TNNI3K: variants seen among roughly 807,000 people sequenced by gnomAD.
The protein encoded by TNNI3K is TNNI3 interacting kinase.
In TNNI3K, 140 loss-of-function variants were observed where a neutral mutation model predicts 114.5. The ratio of observed to expected loss-of-function variants is 1.22; its 90% CI spans 1.07 to 1.41. The LOEUF (loss-of-function observed/expected upper bound fraction) is 1.41. TNNI3K is among the 40% of genes most tolerant of loss of function. The pLI is 0.00. For missense variants in TNNI3K, 1,125 were observed against 1,007.6 expected (o/e 1.12, Z -1.58); for synonymous variants, 347 against 347.5 (o/e 1.00, Z 0.02).
chr1:74,420,914 C>G (rs1179860631), intron 17 of TNNI3K, among the ~76,000 whole-genome samples: 2 of 151,994 alleles, frequency 1.3e-5, no homozygotes, highest in African/African-American at 2.4e-5. Context: ...TTATCTTAAC[C>G]CATTTATGCT....
At position 74,544,282 on chromosome 1, in the gene TNNI3K, A is replaced by G; in HGVS notation, c.*300A>G. The G allele has an allele frequency of 3.6e-6, 1 of 276,350 alleles. No individual in the cohort carries two copies. Among genetic ancestry groups the G allele is most frequent in the Non-Finnish European group, 6.6e-6 (1 of 150,496 alleles). The allele number at this position is 276,350 out of a possible 1,614,324, so 17.1% of individuals were successfully genotyped here. A position where few individuals can be genotyped will look rare whatever the true frequency, so the allele number is the denominator to read the frequency against. ...AGCCTAAGTCTGTGGTGGACAGATA[A>G]TAATTATGTTTTCCTGGGCTGAATT... On this transcript the variant is annotated 3_prime_UTR_variant, in exon 25 of 25. Transcript: ENST00000326637.
At chr1:74,480,608 G>T in intron 21 of TNNI3K, 1 of 717,242 alleles carries the variant, frequency 1.4e-6, no homozygotes, top group Non-Finnish European at 2.6e-6. Flanking sequence ...GCCTCCGAAA[G>T]AACTGTCTGT....
intron 2 of TNNI3K, among the ~76,000 whole-genome samples, chr1:74,247,992 C>A (rs765082745): frequency 6.9e-6 from 1 of 144,908 alleles, no homozygotes; most frequent in Non-Finnish European, 1.5e-5. Context: ...TGGGAGCCCA[C>A]GGGGGTAGGG....
chr1:74,256,281 G>A (rs930465242), intron 4 of TNNI3K, among the ~76,000 whole-genome samples: 5 of 69,314 alleles, frequency 7.2e-5, no homozygotes, highest in African/African-American at 1.1e-4. Context: ...GGTGTGGTCA[G>A]TCTTTTTTTT....
intron 5 of TNNI3K, among the ~76,000 whole-genome samples, chr1:74,277,344 G>T (rs1424821523): frequency 6.6e-6 from 1 of 151,960 alleles, no homozygotes; most frequent in East Asian, 1.9e-4. Flanking sequence ...ACATAAAAGA[G>T]CGATTACTCC....
At chr1:74,319,555 C>G (rs1659496852) in intron 5 of TNNI3K, among the ~76,000 whole-genome samples, 1 of 152,112 alleles carries the variant, frequency 6.6e-6, no homozygotes, top group African/African-American at 2.4e-5. Flanking sequence ...GATATGGACT[C>G]CATTACCCCA....
chr1:74,492,104 C>G lies in TNNI3K; in HGVS notation c.2189C>G (p.Ser730Cys). ...EECLCNIELMSPASSNSSGSL... is the reference protein window; with the variant it reads ...EECLCNIELMCPASSNSSGSL... ...TGCCCCTCCTCCACTCAGCTGATGT[C>G]TCCTGCATCAAGTAACAGCAGTGGG... Residue 730 changes from serine (S) to cysteine (C), a missense_variant, in exon 23 of 25, where the codon TCT becomes TGT. Ser to Cys is a moderately radical substitution (Grantham distance 112, BLOSUM62 -1). Transcript: ENST00000326637. 1 of 1,603,544 alleles carries G rather than the reference C, an allele frequency of 6.2e-7. No homozygotes were observed. Among genetic ancestry groups the G allele is most frequent in the Non-Finnish European group, 8.5e-7 (1 of 1,172,676 alleles).
intron 17 of TNNI3K, 98 bp downstream of exon 17, chr1:74,370,490 G>A: frequency 1.9e-6 from 2 of 1,053,844 alleles, no homozygotes; most frequent in Non-Finnish European, 2.7e-6. Context: ...TTGCAGATCA[G>A]GGTACTCTGT....
chr1:74,299,152 C>A (rs1404413156), intron 5 of TNNI3K, among the ~76,000 whole-genome samples: 1 of 152,118 alleles, frequency 6.6e-6, no homozygotes, highest in African/African-American at 2.4e-5. Context: ...TCATTGATTT[C>A]ATGAAATATG....
intron 4 of TNNI3K, among the ~76,000 whole-genome samples, chr1:74,270,326 A>C (rs1157982955): frequency 1.3e-5 from 2 of 151,772 alleles, no homozygotes; most frequent in Non-Finnish European, 2.9e-5. Context: ...AGGCTGGAAA[A>C]TGAAGGGAAT....
At chr1:74,405,038 A>C (rs141618598) in intron 17 of TNNI3K, among the ~76,000 whole-genome samples, 1 of 152,148 alleles carries the variant, frequency 6.6e-6, no homozygotes, top group Non-Finnish European at 1.5e-5. Flanking sequence ...TGAACTGACA[A>C]TGTCAACAAA....
Position 74,543,062 on chromosome 1 carries a change from CCCTTTTT to C in TNNI3K, c.2432-843_2432-837del, listed in dbSNP as rs1376714345. On this transcript the variant is annotated intron_variant, in intron 24 of 24. Coordinates refer to ENST00000326637, the MANE Select transcript of TNNI3K (RefSeq NM_015978.3). ...TCCTTTTCCTTTTCTTTTTCTTTTT[CCCTTTTT>C]TTTTTTTTTTTTTTTTTTTTTTTTG... Among the ~76,000 whole-genome samples the C allele has an allele frequency of 1.9e-3, 199 of 104,588 alleles. 21 individuals carry two copies. Among genetic ancestry groups the C allele is most frequent in the African/African-American group, 5.9e-3 (166 of 28,308 alleles). The allele number at this position is 104,588 out of a possible 152,430, so 68.6% of individuals were successfully genotyped here.
At chr1:74,511,907 AGT>A (rs1670246877) in intron 23 of TNNI3K, among the ~76,000 whole-genome samples, 1 of 152,208 alleles carries the variant, frequency 6.6e-6, no homozygotes, top group Non-Finnish European at 1.5e-5. Flanking sequence ...CAAAGGGTTG[AGT>A]GTGGGTAGAG....
intron 23 of TNNI3K, among the ~76,000 whole-genome samples, chr1:74,504,165 C>G (rs754878003): frequency 2.0e-5 from 3 of 152,220 alleles, no homozygotes; most frequent in African/African-American, 4.8e-5. Context: ...TGCTAGTGCC[C>G]TCTGCATTGC....
chr1:74,495,596 T>C (rs924572402), intron 23 of TNNI3K, among the ~76,000 whole-genome samples: 1 of 152,156 alleles, frequency 6.6e-6, no homozygotes, highest in African/African-American at 2.4e-5. Context: ...CTTTAAATAG[T>C]CATCTAATTC....
intron 23 of TNNI3K, among the ~76,000 whole-genome samples, chr1:74,495,470 A>C (rs1669283875): frequency 6.6e-6 from 1 of 152,182 alleles, no homozygotes; most frequent in South Asian, 2.1e-4. Flanking sequence ...TTGGCTCAAT[A>C]AACAGGAATT....
At chr1:74,470,713 G>GT (rs1180095226) in intron 21 of TNNI3K, 2 of 400,342 alleles carry the variant, frequency 5.0e-6, no homozygotes, top group Non-Finnish European at 8.8e-6. Flanking sequence ...TGTCATTAAT[G>GT]TTTTTTCTTT....
intron 9 of TNNI3K, among the ~76,000 whole-genome samples, chr1:74,345,286 C>T (rs1660945876): frequency 6.6e-6 from 1 of 151,980 alleles, no homozygotes; most frequent in African/African-American, 2.4e-5. Context: ...TAAAGACCTA[C>T]CTTGTATTGG....
At chr1:74,354,607 T>G (rs766386328) in intron 11 of TNNI3K, among the ~76,000 whole-genome samples, 1 of 152,298 alleles carries the variant, frequency 6.6e-6, no homozygotes, top group Non-Finnish European at 1.5e-5. Flanking sequence ...CTTATTTGCT[T>G]AAGTATAAAA....
Sources: gnomAD v4.1 joint callset for allele counts (sites outside exome capture counted in the v4.1 genomes callset) on GRCh38, gnomAD v4.1.1 for gene constraint, MANE v1.5 for transcripts, NCBI Gene and HGNC (gene_info 2026-07-23, HGNC 2026-07-21) for gene names.